Variants in ZNF700 observed in about 807,000 individuals in gnomAD.
ZNF700 encodes the protein zinc finger protein 700.
A neutral mutation model predicts 65.3 loss-of-function variants in ZNF700; 38 were observed. The ratio of observed to expected loss-of-function variants is 0.58; its 90% CI spans 0.45 to 0.76. ZNF700 has a LOEUF of 0.76. Ranked by LOEUF, ZNF700 falls within the 30% of genes least tolerant of loss-of-function variation. The pLI, the probability that ZNF700 is intolerant of heterozygous loss-of-function variation, is 0.00. For synonymous variants in ZNF700, 285 were observed against 290.4 expected (o/e 0.98, Z 0.19); for missense variants, 857 against 888.4 (o/e 0.96, Z 0.45).
At chr19:11,941,369 G>A (rs1014565996) in intron 1 of ZNF700, among the ~76,000 whole-genome samples, 4 of 152,152 alleles carry the variant, frequency 2.6e-5, no homozygotes, top group Admixed American at 6.5e-5. Flanking sequence ...GGGGAGGCTC[G>A]GGCCGCACAG....
chr19:11,942,831 T>G (rs1287505334), intron 1 of ZNF700, among the ~76,000 whole-genome samples: 1 of 152,232 alleles, frequency 6.6e-6, no homozygotes, highest in Non-Finnish European at 1.5e-5. Context: ...TGATCTCATT[T>G]CTGCCTTCCT....
intron 1 of ZNF700, among the ~76,000 whole-genome samples, chr19:11,930,904 C>T (rs1354891385): frequency 1.4e-5 from 2 of 146,722 alleles, no homozygotes; most frequent in Non-Finnish European, 3.0e-5. Flanking sequence ...GAGGCTGAGG[C>T]AGGAGAATCA....
intron 1 of ZNF700, among the ~76,000 whole-genome samples, chr19:11,934,993 C>T (rs529115563): frequency 2.7e-5 from 4 of 146,348 alleles, no homozygotes; most frequent in African/African-American, 5.4e-5. Context: ...CTGGCTAACA[C>T]TGTGAAACCC....
intron 1 of ZNF700, among the ~76,000 whole-genome samples, chr19:11,929,608 C>G (rs1348550885): frequency 6.7e-6 from 1 of 148,200 alleles, no homozygotes; most frequent in African/African-American, 2.6e-5. Context: ...AATTCGATTT[C>G]AGGGTCCTTA....
chr19:11,927,223 C>T (rs1378827727), intron 1 of ZNF700, among the ~76,000 whole-genome samples: 1 of 151,838 alleles, frequency 6.6e-6, no homozygotes, highest in Non-Finnish European at 1.5e-5. Context: ...GTGTGGTGGC[C>T]TGCACCTGTA....
rs548287051 is a variant in ZNF700 at position 11,947,225 on chromosome 19, A to T, written c.108A>T (p.Glu36Asp). 19 of 1,614,036 alleles carry T rather than the reference A, an allele frequency of 1.2e-5. No homozygotes were observed. The East Asian group carries it at 4.2e-4, about 36-fold the overall frequency. The stretch of plus-strand genomic sequence containing the variant: ...ATGTGGCTGTGAACTTCACCCAGGA[A>T]GAGTGGACATTGCTGGATATTTCCC... The part of the protein sequence containing the change: ...FEDVAVNFTQ[E>D]EWTLLDISQK... Residue 36 changes from glutamate to aspartate, a missense_variant, in exon 2 of 4, where the codon GAA becomes GAT. Physicochemically the swap from Glu to Asp is conservative, Grantham distance 45 (BLOSUM62 2). This residue lies in a region of ZNF700 where 603 missense variants were observed against 619.9 expected (regional missense o/e 0.97). Transcript: ENST00000254321.
At chr19:11,945,281 C>G (rs992645468) in intron 1 of ZNF700, among the ~76,000 whole-genome samples, 8 of 152,196 alleles carry the variant, frequency 5.3e-5, no homozygotes, top group Admixed American at 2.0e-4. Flanking sequence ...TTGGGATCCA[C>G]AGTCTGCAGA....
chr19:11,948,724 T>C lies in ZNF700; in HGVS notation c.700T>C (p.Phe234Leu), dbSNP rs774655657. 6.2e-6 allele frequency: 10 copies of C among 1,613,070 alleles called. No homozygotes were observed. In the African/African-American group the frequency reaches 8.0e-5, roughly 13 times the overall value. ...CKFCGKAFHS[F>L]SLYLIHERTH... ...ATTTTGTGGGAAAGCCTTCCATTCT[T>C]TCAGTTTATATCTTATCCATGAAAG... The change falls in exon 4 of 4, where the codon TTC (phenylalanine) becomes CTC (leucine). Residue 234 changes from phenylalanine to leucine, a missense_variant. Around this residue, in one of 3 missense-constraint regions of ZNF700, gnomAD observed 603 missense variants for 619.9 expected, o/e 0.97. Transcript: ENST00000254321.
chr19:11,927,979 G>T (rs1021179742), intron 1 of ZNF700, among the ~76,000 whole-genome samples: 2 of 152,000 alleles, frequency 1.3e-5, no homozygotes, highest in Non-Finnish European at 2.9e-5. Context: ...TTCCATAGAA[G>T]GCTGATGTAT....
chr19:11,940,179 C>G (rs573155066), intron 1 of ZNF700, among the ~76,000 whole-genome samples: 2 of 152,292 alleles, frequency 1.3e-5, no homozygotes, highest in East Asian at 3.9e-4. Context: ...ATCGACCTGC[C>G]TCGGCCTCCA....
At position 11,948,645 on chromosome 19, in the gene ZNF700, A is replaced by G. The variant is rs553596766; in HGVS notation, c.621A>G (p.Ser207=). 26 of 1,611,422 alleles carry G rather than the reference A, an allele frequency of 1.6e-5. No individual in the cohort carries two copies. The African/African-American group carries it at 2.9e-4, about 18-fold the overall frequency. ...KVCGKTFIFH[S]SIRRHMVMHS... is the part of the protein sequence containing the mutation. ...GTGGAAAAACCTTTATTTTCCATTC[A>G]AGCATTCGAAGACACATGGTAATGC... Residue 207 remains serine (S), a synonymous_variant, in exon 4 of 4, where the codon TCA becomes TCG. Coordinates refer to ENST00000254321, the MANE Select transcript of ZNF700 (RefSeq NM_144566.3).
chr19:11,934,908 C>T lies in ZNF700; in HGVS notation c.63+9635C>T, dbSNP rs544374656. 2.6e-4 allele frequency among the ~76,000 whole-genome samples: 39 copies of T among 147,276 alleles called. 3 individuals carry two copies. The highest frequency in any genetic ancestry group is 1.4e-3 in the East Asian group (7 of 4,966). Reference sequence around the variant, plus strand: ...CATAATTACAGTCTTTGGTCGGGTGCGGTGGCTCACGCCTGTAATCCCAGC... The same window carrying T: ...CATAATTACAGTCTTTGGTCGGGTGTGGTGGCTCACGCCTGTAATCCCAGC... On this transcript the variant is annotated intron_variant, in intron 1 of 3. Transcript: ENST00000254321.
rs1973047501 is a variant in ZNF700 at position 11,950,323 on chromosome 19, A to C, written c.*70A>C. 2 of 1,492,226 alleles carry C rather than the reference A, an allele frequency of 1.3e-6. No homozygotes were observed. The highest frequency in any genetic ancestry group is 1.4e-5 in the African/African-American group (1 of 70,912). 92.4% of individuals were successfully genotyped at this position (1,492,226 alleles called of 1,614,324 possible). ...GCACTATGAATGCAAGCAATGTGGC[A>C]AAACTTTCACATTTTCCAGTTCTTT... On this transcript the variant is annotated 3_prime_UTR_variant, in exon 4 of 4. Coordinates refer to ENST00000254321, the MANE Select transcript of ZNF700 (RefSeq NM_144566.3).
intron 1 of ZNF700, among the ~76,000 whole-genome samples, chr19:11,934,889 T>TA (rs1334083059): frequency 2.7e-5 from 4 of 147,296 alleles, no homozygotes; most frequent in Non-Finnish European, 5.9e-5. Context: ...TTGCCATAAT[T>TA]ACAGTCTTTG....
At chr19:11,931,675 A>AAT (rs1555700044) in intron 1 of ZNF700, among the ~76,000 whole-genome samples, 2 of 148,580 alleles carry the variant, frequency 1.3e-5, no homozygotes, top group Non-Finnish European at 2.9e-5. Context: ...GAGAGGTTAC[A>AAT]TCATAGTGAT....
intron 1 of ZNF700, among the ~76,000 whole-genome samples, chr19:11,934,723 T>C (rs1380296276): frequency 2.0e-5 from 3 of 147,504 alleles, no homozygotes; most frequent in East Asian, 2.0e-4. Context: ...GATGAGGTTT[T>C]ACCATGTTGG....
Position 11,949,189 on chromosome 19 carries a change from C to T in ZNF700, c.1165C>T (p.Arg389Cys), listed in dbSNP as rs376117710. Residue 389 changes from arginine (R) to cysteine (C), a missense_variant, in exon 4 of 4, where the codon CGC becomes TGC. Around this residue, in one of 3 missense-constraint regions of ZNF700, gnomAD observed 603 missense variants for 619.9 expected, o/e 0.97. Coordinates refer to ENST00000254321, the MANE Select transcript of ZNF700 (RefSeq NM_144566.3). ...THEKTHTGEK[R>C]YKCKQCGKAF... ...TGAAAAAACTCACACTGGAGAGAAACGCTATAAATGCAAGCAATGTGGTAA... is the reference window on the plus strand; with the variant it reads ...TGAAAAAACTCACACTGGAGAGAAATGCTATAAATGCAAGCAATGTGGTAA... 151 of 1,612,802 alleles carry T rather than the reference C, an allele frequency of 9.4e-5. No individual in the cohort carries two copies. The highest frequency in any genetic ancestry group is 1.2e-4 in the Non-Finnish European group (139 of 1,179,738).
At position 11,949,170 on chromosome 19, in the gene ZNF700, A is replaced by G. The variant is rs534572724; in HGVS notation, c.1146A>G (p.Lys382=). Residue 382 remains lysine, a synonymous_variant, in exon 4 of 4, where the codon AAA becomes AAG. Transcript: ENST00000254321. The part of the protein sequence containing the change: ...YSAKSFQTHE[K]THTGEKRYKC... ...CCAAGTCATTTCAAACACATGAAAA[A>G]ACTCACACTGGAGAGAAACGCTATA... The G allele has an allele frequency of 8.7e-6, 14 of 1,612,636 alleles. No homozygotes were observed. Among genetic ancestry groups the G allele is most frequent in the East Asian group, 2.2e-5 (1 of 44,824 alleles).
At chr19:11,925,332 A>G in intron 1 of ZNF700, 59 bp downstream of exon 1, 1 of 1,599,162 alleles carries the variant, frequency 6.3e-7, no homozygotes, top group Non-Finnish European at 8.5e-7. Flanking sequence ...AACAGGCGGG[A>G]ACCGGCTGTG....
Sources: allele counts gnomAD v4.1 joint callset (sites outside exome capture counted in the v4.1 genomes callset), GRCh38; gene constraint gnomAD v4.1.1; regional missense constraint gnomAD v4.1.1; transcripts MANE v1.5; gene names NCBI Gene and HGNC (gene_info 2026-07-23, HGNC 2026-07-21).